The following CACNA1C variants were observed in gnomAD, a reference collection of about 807,000 sequenced individuals.
The protein encoded by CACNA1C is calcium voltage-gated channel subunit alpha1 C.
A neutral mutation model predicts 229.0 loss-of-function variants in CACNA1C; 30 were observed. The observed-to-expected ratio is 0.13, with a 90% CI of 0.10 to 0.18. The LOEUF is 0.18. Ranked by LOEUF, CACNA1C falls within the 10% of genes least tolerant of loss-of-function variation. The probability of loss-of-function intolerance (pLI) is 1.00; values close to 1 mark genes in which losing one functional copy is unlikely to be tolerated. For synonymous variants in CACNA1C, 1,114 were observed against 1,132.5 expected (o/e 0.98, Z 0.33); for missense variants, 1,658 against 2,845.0 (o/e 0.58, Z 9.49).
intron 3 of CACNA1C, among the ~76,000 whole-genome samples, chr12:2,385,531 C>G (rs1475053209): frequency 6.6e-6 from 1 of 152,164 alleles, no homozygotes; most frequent in East Asian, 1.9e-4. Flanking sequence ...TGACCTCCCT[C>G]CCTCTGTAGC....
intron 3 of CACNA1C, among the ~76,000 whole-genome samples, chr12:2,315,899 C>T (rs569028754): frequency 6.6e-6 from 1 of 152,328 alleles, no homozygotes; most frequent in Admixed American, 6.5e-5. Flanking sequence ...GTCAAAGTCT[C>T]TTAATGTCAC....
chr12:2,159,787 AGAGACGGGGTTTCACCAT>A (rs2095753391), intron 3 of CACNA1C, among the ~76,000 whole-genome samples: 1 of 152,124 alleles, frequency 6.6e-6, no homozygotes, highest in African/African-American at 2.4e-5. Context: ...TGTATTTAGT[AGAGACGGGGTTTCACCAT>A]GTTGGCCAGG....
chr12:2,544,358 A>G (rs1371928366), intron 9 of CACNA1C, among the ~76,000 whole-genome samples: 1 of 152,204 alleles, frequency 6.6e-6, no homozygotes, highest in Admixed American at 6.5e-5. Context: ...GAAATATAGA[A>G]AAACCTAAGA....
Position 2,605,568 on chromosome 12 carries a change from C to G in CACNA1C, c.3049-111C>G, listed in dbSNP as rs2153426395. 1.3e-6 allele frequency: 1 copy of G among 771,982 alleles called. No individual in the cohort carries two copies. The highest frequency in any genetic ancestry group is 2.3e-6 in the Non-Finnish European group (1 of 436,980). The allele number at this position is 771,982 out of a possible 1,614,324, so 47.8% of individuals were successfully genotyped here. On this transcript the variant is annotated intron_variant, in intron 23 of 46. Coordinates refer to ENST00000399655, the MANE Select transcript of CACNA1C (RefSeq NM_000719.7). The surrounding 1 kb of genome is among the most constrained non-coding windows in gnomAD (Gnocchi z 6.2). ...ACTTTGGGAGCGTGGCTTTGCCCCT[C>G]TCAGCCCAATTACTCCCCGTTGTGG...
At chr12:2,277,495 CT>C (rs978286732) in intron 3 of CACNA1C, among the ~76,000 whole-genome samples, 1 of 151,844 alleles carries the variant, frequency 6.6e-6, no homozygotes, top group African/African-American at 2.4e-5. Context: ...CTGTTGCTCT[CT>C]AACAAAAAAA....
At chr12:2,120,195 A>T in intron 2 of CACNA1C, 130 bp from the exon 3 acceptor site, 1 of 685,734 alleles carries the variant, frequency 1.5e-6, no homozygotes, top group Non-Finnish European at 2.6e-6. Context: ...TTTTCAGAAT[A>T]CAAGGGGCTT....
intron 3 of CACNA1C, among the ~76,000 whole-genome samples, chr12:2,163,370 A>C (rs1314998486): frequency 6.6e-6 from 1 of 152,186 alleles, no homozygotes; most frequent in African/African-American, 2.4e-5. Flanking sequence ...CTTGGGCACC[A>C]GGCCAGGTTC....
At chr12:2,619,695 C>T (rs1248807874) in intron 29 of CACNA1C, among the ~76,000 whole-genome samples, 4 of 151,954 alleles carry the variant, frequency 2.6e-5, no homozygotes, top group African/African-American at 7.3e-5. Flanking sequence ...GTGCCTAGGC[C>T]TTGCCATTCT....
At chr12:2,376,219 A>C (rs568482520) in intron 3 of CACNA1C, among the ~76,000 whole-genome samples, 58 of 152,294 alleles carry the variant, frequency 3.8e-4, no homozygotes, top group African/African-American at 1.3e-3. Flanking sequence ...ACTGCCATGG[A>C]GGACACTCTA....
chr12:2,123,877 C>T lies in CACNA1C; in HGVS notation c.477+3447C>T, dbSNP rs2088403319. 2.0e-5 allele frequency among the ~76,000 whole-genome samples: 3 copies of T among 152,220 alleles called. No individual in the cohort carries two copies. In the South Asian group the frequency reaches 6.2e-4, roughly 31 times the overall value. On this transcript the variant is annotated intron_variant, in intron 3 of 46. Coordinates refer to ENST00000399655, the MANE Select transcript of CACNA1C (RefSeq NM_000719.7). Reference sequence around the variant, plus strand: ...ATAACGATAATGACAGTACCTACCTCATAGGGTTGTTGTGAAGATTAAATG... The same window carrying T: ...ATAACGATAATGACAGTACCTACCTTATAGGGTTGTTGTGAAGATTAAATG...
rs1337043898 is a variant in CACNA1C, at chr12:2,108,589, A to C, written c.50-6635A>C. ...TTTAGCCCTCTGGCCCCTGCAGTCC[A>C]GCGGGGCACCGTAGGAGGAGGGTGG... On this transcript the variant is annotated intron_variant, in intron 1 of 46. Coordinates refer to ENST00000399655, the MANE Select transcript of CACNA1C (RefSeq NM_000719.7). The surrounding 1 kb of genome is among the most constrained non-coding windows in gnomAD (Gnocchi z 5.3). 6.6e-6 allele frequency among the ~76,000 whole-genome samples: 1 copy of C among 152,192 alleles called. No individual in the cohort carries two copies. Among genetic ancestry groups the C allele is most frequent in the African/African-American group, 2.4e-5 (1 of 41,462 alleles).
In CACNA1C at chr12:2,258,076, T is replaced by A. The variant is rs368021220; in HGVS notation, c.477+137646T>A. 4.6e-5 allele frequency among the ~76,000 whole-genome samples: 7 copies of A among 152,336 alleles called. No homozygotes were observed. In the South Asian group the frequency reaches 1.2e-3, roughly 27 times the overall value. Reference sequence around the variant, plus strand: ...GGAGGCAGAGTTTCTTTGTACTACATCTCATCACCTGCTGTGTTTGGGGTC... The same window carrying A: ...GGAGGCAGAGTTTCTTTGTACTACAACTCATCACCTGCTGTGTTTGGGGTC... On this transcript the variant is annotated intron_variant, in intron 3 of 46. Transcript: ENST00000399655.
chr12:2,619,333 T>C (rs1050122162), intron 29 of CACNA1C, among the ~76,000 whole-genome samples: 1 of 152,260 alleles, frequency 6.6e-6, no homozygotes, highest in African/African-American at 2.4e-5. Flanking sequence ...GCCGGATCCC[T>C]ACGCCTGGGG....
At chr12:2,685,922 T>C (rs2097439669) in intron 44 of CACNA1C, 80 bp downstream of exon 44, 8 of 1,081,892 alleles carry the variant, frequency 7.4e-6, no homozygotes, top group Non-Finnish European at 1.1e-5. Flanking sequence ...TGGGAAATCG[T>C]TGTGGCCTGC....
At chr12:2,385,726 T>C (rs1333094944) in intron 3 of CACNA1C, among the ~76,000 whole-genome samples, 1 of 152,170 alleles carries the variant, frequency 6.6e-6, no homozygotes, top group Non-Finnish European at 1.5e-5. Context: ...CAGTGGCCCC[T>C]AGGATAACTA....
At chr12:2,162,770 C>T (rs539866467) in intron 3 of CACNA1C, among the ~76,000 whole-genome samples, 47 of 152,214 alleles carry the variant, frequency 3.1e-4, no homozygotes, top group Non-Finnish European at 4.9e-4. Flanking sequence ...GTGGCTTTGC[C>T]GTTTCCAGAT....
At chr12:2,372,081 C>T (rs746683445) in intron 3 of CACNA1C, among the ~76,000 whole-genome samples, 10 of 152,052 alleles carry the variant, frequency 6.6e-5, no homozygotes, top group Admixed American at 1.3e-4. Flanking sequence ...TTTTACTGGA[C>T]CTTGGAAGGA....
At chr12:2,270,027 A>G (rs1268507474) in intron 3 of CACNA1C, 2 of 152,048 alleles carry the variant, frequency 1.3e-5, no homozygotes, top group Admixed American at 6.5e-5. Context: ...GGCCAAACCA[A>G]CCTGAAGCTG....
intron 3 of CACNA1C, among the ~76,000 whole-genome samples, chr12:2,442,488 C>A (rs1039557722): frequency 4.9e-4 from 75 of 152,190 alleles, no homozygotes; most frequent in African/African-American, 1.8e-3. Context: ...AAGACAGGAG[C>A]TATCTGTGGG....
Sources: allele counts gnomAD v4.1 joint callset (sites outside exome capture counted in the v4.1 genomes callset), GRCh38; gene constraint gnomAD v4.1.1; non-coding constraint Gnocchi (gnomAD v3.1); transcripts MANE v1.5; gene names NCBI Gene and HGNC (gene_info 2026-07-23, HGNC 2026-07-21).